NCAM2: variants seen among roughly 807,000 people sequenced by gnomAD.
NCAM2 encodes N-CAM-2.
A neutral mutation model predicts 98.1 loss-of-function variants in NCAM2; 30 were observed. That is an observed-to-expected ratio of 0.31 (90% CI 0.23 to 0.41). NCAM2 has a LOEUF of 0.41. NCAM2 is among the 10% of genes least tolerant of loss of function. NCAM2 has a pLI of 1.00. For missense variants in NCAM2, 867 were observed against 1,005.8 expected (o/e 0.86, Z 1.87); for synonymous variants, 368 against 342.4 (o/e 1.07, Z -0.83).
intron 12 of NCAM2, among the ~76,000 whole-genome samples, chr21:21,456,838 G>A (rs1196619740): frequency 6.6e-6 from 1 of 152,128 alleles, no homozygotes; most frequent in Non-Finnish European, 1.5e-5. Context: ...CTACATCTAT[G>A]TGAGGGTGGA....
intron 1 of NCAM2, among the ~76,000 whole-genome samples, chr21:21,160,343 A>G (rs1210623871): frequency 6.6e-6 from 1 of 151,932 alleles, no homozygotes; most frequent in Non-Finnish European, 1.5e-5. Context: ...ATATTGTTGT[A>G]GCATAAAATA....
chr21:21,347,286 A>G (rs1336022809), intron 8 of NCAM2, among the ~76,000 whole-genome samples: 1 of 152,000 alleles, frequency 6.6e-6, no homozygotes, highest in Non-Finnish European at 1.5e-5. Flanking sequence ...ACAAAATTTA[A>G]TGACATTTTT....
chr21:21,365,597 C>A (rs2075765665), intron 8 of NCAM2, among the ~76,000 whole-genome samples: 1 of 151,800 alleles, frequency 6.6e-6, no homozygotes, highest in Non-Finnish European at 1.5e-5. Flanking sequence ...TAGAAACATA[C>A]CATCGATGAC....
intron 1 of NCAM2, among the ~76,000 whole-genome samples, chr21:21,044,035 T>G (rs1043446644): frequency 2.4e-4 from 36 of 150,194 alleles, no homozygotes; most frequent in African/African-American, 7.8e-4. Flanking sequence ...TTTGAAGACT[T>G]TGTGTGTGTG....
chr21:21,010,551 A>C (rs2064190476), intron 1 of NCAM2, among the ~76,000 whole-genome samples: 1 of 152,118 alleles, frequency 6.6e-6, no homozygotes, highest in Non-Finnish European at 1.5e-5. Context: ...GCATTAATAC[A>C]GCGATTGTTT....
intron 1 of NCAM2, among the ~76,000 whole-genome samples, chr21:21,034,472 A>C (rs1405083916): frequency 1.3e-5 from 2 of 152,156 alleles, no homozygotes; most frequent in African/African-American, 4.8e-5. Context: ...CAACAGGCAC[A>C]AAGGCTGATA....
chr21:21,135,828 C>T (rs934397290), intron 1 of NCAM2, among the ~76,000 whole-genome samples: 2 of 152,148 alleles, frequency 1.3e-5, no homozygotes, highest in African/African-American at 2.4e-5. Flanking sequence ...TTACAGGTGG[C>T]AATTGTACCT....
chr21:21,411,209 A>G lies in NCAM2; in HGVS notation c.1383+748A>G, dbSNP rs568350147. Among the ~76,000 whole-genome samples the G allele has an allele frequency of 1.3e-3, 175 of 130,646 alleles. 2 individuals carry two copies. The highest frequency in any genetic ancestry group is 4.9e-3 in the African/African-American group (171 of 35,008). 85.7% of individuals were successfully genotyped at this position (130,646 alleles called of 152,430 possible). On this transcript the variant is annotated intron_variant, in intron 10 of 17. Coordinates refer to ENST00000400546, the MANE Select transcript of NCAM2 (RefSeq NM_004540.5). Reference sequence around the variant, plus strand: ...GTAATGTAATAGTTATTGAGGGATAAAAATTTTTCCATATATATATATATG... The same window carrying G: ...GTAATGTAATAGTTATTGAGGGATAGAAATTTTTCCATATATATATATATG...
chr21:21,067,891 G>A (rs1489669041), intron 1 of NCAM2, among the ~76,000 whole-genome samples: 1 of 152,016 alleles, frequency 6.6e-6, no homozygotes, highest in African/African-American at 2.4e-5. Context: ...AATAGAGATG[G>A]ATGATGTATA....
rs576177727 is a variant in NCAM2, at chr21:21,095,529, A to T, written c.55+96911A>T. Among the ~76,000 whole-genome samples, 3 of 151,692 alleles carry T rather than the reference A, an allele frequency of 2.0e-5. 1 individual carries two copies. The highest frequency in any genetic ancestry group is 7.2e-5 in the African/African-American group (3 of 41,508). On this transcript the variant is annotated intron_variant, in intron 1 of 17. Coordinates refer to ENST00000400546, the MANE Select transcript of NCAM2 (RefSeq NM_004540.5). The stretch of plus-strand genomic sequence containing the variant: ...GAAAAAACATCTTGGAGGAATACAG[A>T]TGAACTGCATGTCCAAAAAGTAAGT...
intron 8 of NCAM2, among the ~76,000 whole-genome samples, chr21:21,357,975 A>G (rs1353682141): frequency 1.3e-5 from 2 of 152,160 alleles, no homozygotes; most frequent in Non-Finnish European, 1.5e-5. Context: ...CTTACTGTGC[A>G]TGGTAGTACA....
At chr21:21,446,449 A>G (rs1019016834) in intron 12 of NCAM2, among the ~76,000 whole-genome samples, 12 of 151,838 alleles carry the variant, frequency 7.9e-5, no homozygotes, top group Non-Finnish European at 1.8e-4. Context: ...CATTCTCCCT[A>G]TCTTCTTCAG....
intron 1 of NCAM2, among the ~76,000 whole-genome samples, chr21:21,135,966 A>T (rs187419400): frequency 9.9e-5 from 15 of 152,238 alleles, no homozygotes; most frequent in African/African-American, 3.1e-4. Context: ...ACATCATTTG[A>T]CTTCTAGTTA....
At chr21:21,531,084 T>G (rs996934601) in intron 16 of NCAM2, among the ~76,000 whole-genome samples, 2 of 152,164 alleles carry the variant, frequency 1.3e-5, no homozygotes, top group Non-Finnish European at 2.9e-5. Context: ...TTGGTTACTT[T>G]GTTTTAATTG....
intron 1 of NCAM2, among the ~76,000 whole-genome samples, chr21:21,109,758 G>A (rs117910807): frequency 3.3e-5 from 5 of 152,222 alleles, no homozygotes; most frequent in African/African-American, 9.6e-5. Flanking sequence ...ACTGTTTGAC[G>A]ATAGTAAGAG....
chr21:21,374,034 T>C (rs765904345), intron 9 of NCAM2, 21 bp downstream of exon 9: 4 of 1,592,438 alleles, frequency 2.5e-6, no homozygotes, highest in African/African-American at 1.4e-5. Context: ...TTCCTTTGTA[T>C]TTTCATTAAA....
chr21:21,048,585 C>A (rs928088682), intron 1 of NCAM2, among the ~76,000 whole-genome samples: 1 of 152,144 alleles, frequency 6.6e-6, no homozygotes, highest in African/African-American at 2.4e-5. Flanking sequence ...GATCTCCTGA[C>A]CTCGTGATCC....
At chr21:21,179,769 T>C (rs1200067331) in intron 1 of NCAM2, among the ~76,000 whole-genome samples, 1 of 152,228 alleles carries the variant, frequency 6.6e-6, no homozygotes, top group Non-Finnish European at 1.5e-5. Flanking sequence ...CGTCATGGAT[T>C]GACTCCGGTG....
intron 6 of NCAM2, among the ~76,000 whole-genome samples, chr21:21,331,517 C>CTATATATATA (rs1555874240): frequency 1.4e-4 from 1 of 6,938 alleles, no homozygotes; most frequent in African/African-American, 5.5e-4. Flanking sequence ...CTCTCTCTCT[C>CTATATATATA]TATATATATA....
Sources: gnomAD v4.1 joint callset for allele counts (sites outside exome capture counted in the v4.1 genomes callset) on GRCh38, gnomAD v4.1.1 for gene constraint, MANE v1.5 for transcripts, NCBI Gene and HGNC (gene_info 2026-07-23, HGNC 2026-07-21) for gene names.